The following MUCL3 variants were observed in gnomAD, a reference collection of about 807,000 sequenced individuals.
The protein encoded by MUCL3 is mucin like 3.
In MUCL3, 42 loss-of-function variants were observed where a neutral mutation model predicts 70.2. The observed-to-expected ratio is 0.60, with a 90% CI of 0.47 to 0.77. MUCL3 has a LOEUF of 0.77. Ranked by LOEUF, MUCL3 falls within the 30% of genes least tolerant of loss-of-function variation. MUCL3 has a pLI of 0.00. For synonymous variants in MUCL3, 522 were observed against 647.0 expected (o/e 0.81, Z 2.93); for missense variants, 1,429 against 1,670.0 (o/e 0.86, Z 2.52).
chr6:30,942,741 T>C (rs1795630087), intron 1 of MUCL3, among the ~76,000 whole-genome samples: 1 of 152,162 alleles, frequency 6.6e-6, no homozygotes, highest in Non-Finnish European at 1.5e-5. Context: ...CTCTCCTCCT[T>C]CCATCTTGCA....
rs1760782572 is a variant in MUCL3 at position 30,952,908 on chromosome 6, G to C, written c.4036-63G>C. Reference sequence around the variant, plus strand: ...CTTGAGAATAGAATCAAGACCTGAGGTGAGTGTTGTGGAAAACAAATCGCA... The same window carrying C: ...CTTGAGAATAGAATCAAGACCTGAGCTGAGTGTTGTGGAAAACAAATCGCA... On this transcript the variant is annotated intron_variant, in intron 2 of 2. Transcript: ENST00000462446. The C allele has an allele frequency of 2.5e-6, 4 of 1,582,920 alleles. No homozygotes were observed. In the South Asian group the frequency reaches 4.7e-5, roughly 19 times the overall value.
At position 30,941,097 on chromosome 6, in the gene MUCL3, G is replaced by T; in HGVS notation, c.82+16G>T. ...TGGGGGGCAGGTAAGATGCCCACAGGGGATACAGAAGACAGAAACAGCTTG... is the reference window on the plus strand; with the variant it reads ...TGGGGGGCAGGTAAGATGCCCACAGTGGATACAGAAGACAGAAACAGCTTG... On this transcript the variant is annotated intron_variant, in intron 1 of 2. Transcript: ENST00000462446. 1 of 1,548,648 alleles carries T rather than the reference G, an allele frequency of 6.5e-7. No homozygotes were observed.
At position 30,953,418 on chromosome 6, in the gene MUCL3, A is replaced by AAC; in HGVS notation, c.*304_*305dup. ...ACATGTTGTGGGGGCACCAATGCAG[A>AAC]ACACTGCACTGAGTCCTAAAGGAAG... On this transcript the variant is annotated 3_prime_UTR_variant, in exon 3 of 3. Transcript: ENST00000462446. 2.2e-6 allele frequency: 1 copy of AAC among 462,870 alleles called. No individual in the cohort carries two copies. The highest frequency in any genetic ancestry group is 3.9e-6 in the Non-Finnish European group (1 of 258,582). The allele number at this position is 462,870 out of a possible 1,614,324, so 28.7% of individuals were successfully genotyped here. A position where few individuals can be genotyped will look rare whatever the true frequency, so the allele number is the denominator to read the frequency against.
At chr6:30,941,203 A>G (rs1276774040) in intron 1 of MUCL3, 122 bp downstream of exon 1, 2 of 1,225,642 alleles carry the variant, frequency 1.6e-6, no homozygotes, top group Non-Finnish European at 2.3e-6. Flanking sequence ...ACAGTTGTCT[A>G]GAGTGTTCTC....
In MUCL3 at chr6:30,951,392, C is replaced by A. The variant is rs1229735072; in HGVS notation, c.2928C>A (p.Ser976=). 5 of 1,543,652 alleles carry A rather than the reference C, an allele frequency of 3.2e-6. No homozygotes were observed. Among genetic ancestry groups the A allele is most frequent in the Non-Finnish European group, 1.7e-6 (2 of 1,143,680 alleles). The change falls in exon 2 of 3, where the codon TCC becomes TCA. Residue 976 remains serine, a synonymous_variant. Transcript: ENST00000462446. ...ETTVNEDTTP[S]SAEPTENGER... ...CAGTCAATGAGGACACCACACCATC[C>A]TCAGCAGAGCCTACAGAAAATGGAG...
At chr6:30,943,414 T>G (rs960706804) in intron 1 of MUCL3, among the ~76,000 whole-genome samples, 2 of 151,968 alleles carry the variant, frequency 1.3e-5, no homozygotes, top group African/African-American at 2.4e-5. Flanking sequence ...GATTAAATCA[T>G]CTGAGGGAGC....
In MUCL3 at chr6:30,953,124, A is replaced by G; in HGVS notation, c.*7A>G. 6.2e-7 allele frequency: 1 copy of G among 1,613,776 alleles called. No individual in the cohort carries two copies. The highest frequency in any genetic ancestry group is 8.5e-7 in the Non-Finnish European group (1 of 1,179,972). ...GATCCCTTCCCCACGGTGATCTTGG[A>G]GTAGGCGCCCAGCCCTGGCTCTTCC... On this transcript the variant is annotated 3_prime_UTR_variant, in exon 3 of 3. Transcript: ENST00000462446.
At chr6:30,946,797 C>G (rs1169615675) in intron 1 of MUCL3, among the ~76,000 whole-genome samples, 1 of 152,204 alleles carries the variant, frequency 6.6e-6, no homozygotes, top group African/African-American at 2.4e-5. Flanking sequence ...GTCTCGACCT[C>G]TTACTTGCTG....
At position 30,952,999 on chromosome 6, in the gene MUCL3, C is replaced by T. The variant is rs1303728517; in HGVS notation, c.4064C>T (p.Thr1355Ile). The T allele has an allele frequency of 1.9e-6, 3 of 1,614,142 alleles. No homozygotes were observed. Among genetic ancestry groups the T allele is most frequent in the Non-Finnish European group, 2.5e-6 (3 of 1,180,052 alleles). Residue 1355 changes from threonine (T) to isoleucine (I), a missense_variant, in exon 3 of 3, where the codon ACA becomes ATA. Transcript: ENST00000462446. Reference protein sequence around the residue: ...LVSYMMRTRRTLTQNTQYNDA... With the variant: ...LVSYMMRTRRILTQNTQYNDA... ...TCCTATATGATGCGGACACGCCGCACACTAACCCAGAACACCCAGTACAAT... is the reference window on the plus strand; with the variant it reads ...TCCTATATGATGCGGACACGCCGCATACTAACCCAGAACACCCAGTACAAT...
intron 2 of MUCL3, 178 bp downstream of exon 2, chr6:30,952,677 G>C (rs1760770658): frequency 6.0e-6 from 5 of 826,860 alleles, no homozygotes; most frequent in Non-Finnish European, 9.1e-6. Flanking sequence ...TAAATACACA[G>C]GAGGTAAAAA....
At position 30,949,284 on chromosome 6, in the gene MUCL3, T is replaced by A; in HGVS notation, c.820T>A (p.Ser274Thr). 1.3e-6 allele frequency: 2 copies of A among 1,551,322 alleles called. No homozygotes were observed. The highest frequency in any genetic ancestry group is 2.4e-5 in the South Asian group (2 of 84,002). ...KTTKNIQETI[S>T]ANELTQSLAE... ...TACAAAAAACATACAAGAGACCATA[T>A]CAGCCAATGAGCTCACACAATCTCT... Residue 274 changes from serine (S) to threonine (T), a missense_variant, in exon 2 of 3, where the codon TCA becomes ACA. Coordinates refer to ENST00000462446, the MANE Select transcript of MUCL3 (RefSeq NM_080870.4).
chr6:30,944,538 G>C (rs1400823177), intron 1 of MUCL3, among the ~76,000 whole-genome samples: 1 of 152,220 alleles, frequency 6.6e-6, no homozygotes, highest in Non-Finnish European at 1.5e-5. Flanking sequence ...GCCTCCCAAA[G>C]TGTTGGGATT....
chr6:30,949,774 C>T lies in MUCL3; in HGVS notation c.1310C>T (p.Ser437Phe), dbSNP rs1582259216. 2 of 1,546,932 alleles carry T rather than the reference C, an allele frequency of 1.3e-6. No homozygotes were observed. The highest frequency in any genetic ancestry group is 1.7e-6 in the Non-Finnish European group (2 of 1,145,942). ...CTGGCCAACGAGAACACCACACCAT[C>T]CCCAGCAGAGCCTACAGAAAATAGA... Reference protein sequence around the residue: ...TPLANENTTPSPAEPTENRER... With the variant: ...TPLANENTTPFPAEPTENRER... Residue 437 changes from serine to phenylalanine, a missense_variant, in exon 2 of 3, where the codon TCC becomes TTC. By Grantham distance (155) the Ser-to-Phe change is radical. Transcript: ENST00000462446.
At position 30,953,729 on chromosome 6, in the gene MUCL3, C is replaced by T. The variant is rs1760830579; in HGVS notation, c.*612C>T. The T allele has an allele frequency of 6.6e-6, 1 of 152,128 alleles. No homozygotes were observed. The highest frequency in any genetic ancestry group is 2.1e-4 in the South Asian group (1 of 4,818). 9.4% of individuals were successfully genotyped at this position (152,128 alleles called of 1,614,324 possible). A position where few individuals can be genotyped will look rare whatever the true frequency, so the allele number is the denominator to read the frequency against. On this transcript the variant is annotated 3_prime_UTR_variant, in exon 3 of 3. Transcript: ENST00000462446. ...TCCATGCCCTGGAGAAAAAAAAGTC[C>T]AGAAGAAATCATAAATATCTCTCAT...
rs561276207 is a variant in MUCL3 at position 30,950,574 on chromosome 6, G to C, written c.2110G>C (p.Gly704Arg). The C allele has an allele frequency of 6.5e-7, 1 of 1,547,192 alleles. No homozygotes were observed. Among genetic ancestry groups the C allele is most frequent in the East Asian group, 2.5e-5 (1 of 40,686 alleles). Residue 704 changes from glycine to arginine, a missense_variant, in exon 2 of 3, where the codon GGA becomes CGA. Gly to Arg is a moderately radical substitution (Grantham distance 125, BLOSUM62 -2). Transcript: ENST00000462446. ...ATCCTCAGCAGAGCCTACAGAACAC[G>C]GAGAAAGGACCCCACTGGCCAATGA... is the stretch of plus-strand genomic sequence containing the variant. ...TSSSAEPTEH[G>R]ERTPLANENT... is the part of the protein sequence containing the mutation.
At position 30,951,985 on chromosome 6, in the gene MUCL3, C is replaced by A; in HGVS notation, c.3521C>A (p.Thr1174Lys). Reference protein sequence around the residue: ...EKSTEHPEKTTSTTEKTTRTP... With the variant: ...EKSTEHPEKTKSTTEKTTRTP... ...TCCACAGAACACCCAGAAAAGACCA[C>A]GTCAACCACAGAGAAAACCACAAGA... Residue 1174 changes from threonine (T) to lysine (K), a missense_variant, in exon 2 of 3, where the codon ACG becomes AAG. Coordinates refer to ENST00000462446, the MANE Select transcript of MUCL3 (RefSeq NM_080870.4). 1 of 1,612,732 alleles carries A rather than the reference C, an allele frequency of 6.2e-7. No individual in the cohort carries two copies. Among genetic ancestry groups the A allele is most frequent in the Admixed American group, 1.7e-5 (1 of 59,750 alleles).
rs572833980 is a variant in MUCL3 at position 30,948,409 on chromosome 6, G to T, written c.83-138G>T. 6.7e-5 allele frequency: 46 copies of T among 688,738 alleles called. No individual in the cohort carries two copies. The South Asian group carries it at 9.6e-4, about 14-fold the overall frequency. The allele number at this position is 688,738 out of a possible 1,614,324, so 42.7% of individuals were successfully genotyped here. On this transcript the variant is annotated intron_variant, in intron 1 of 2. Transcript: ENST00000462446. The stretch of plus-strand genomic sequence containing the variant: ...GGGCTGGAGGTGAGAATGGGGAATA[G>T]ATATCATAGTATTCAGAGGAGACTG...
At chr6:30,952,914 G>A (rs1760783137) in intron 2 of MUCL3, 57 bp from the exon 3 acceptor site, 2 of 1,594,652 alleles carry the variant, frequency 1.3e-6, no homozygotes, top group African/African-American at 1.3e-5. Context: ...TGAGGTGAGT[G>A]TTGTGGAAAA....
chr6:30,951,091 CA>C lies in MUCL3; in HGVS notation c.2628del (p.Ala877GlnfsTer9). 1.3e-6 allele frequency: 2 copies of C among 1,551,958 alleles called. No individual in the cohort carries two copies. Among genetic ancestry groups the C allele is most frequent in the Non-Finnish European group, 1.7e-6 (2 of 1,147,028 alleles). ...WTANENTTLS[P>X]AEPTEHEEMT... ...GCCAATGAGAACACCACACTATCCC[CA>C]GCAGAGCCTACAGAACATGAAGAAA... On this transcript the variant is annotated frameshift_variant, in exon 2 of 3. Coordinates refer to ENST00000462446, the MANE Select transcript of MUCL3 (RefSeq NM_080870.4). LOFTEE classifies it high-confidence loss of function.
Sources: allele counts gnomAD v4.1 joint callset (sites outside exome capture counted in the v4.1 genomes callset), GRCh38; gene constraint gnomAD v4.1.1; transcripts MANE v1.5; gene names NCBI Gene and HGNC (gene_info 2026-07-23, HGNC 2026-07-21).